Variants in PIP5K1C observed in about 807,000 individuals in gnomAD.
The protein encoded by PIP5K1C is phosphatidylinositol-4-phosphate 5-kinase type 1 gamma.
In PIP5K1C, 45 loss-of-function variants were observed where a neutral mutation model predicts 80.1. That is an observed-to-expected ratio of 0.56 (90% confidence interval 0.44 to 0.72). The LOEUF (loss-of-function observed/expected upper bound fraction) is 0.72. Ranked by LOEUF, PIP5K1C falls within the 30% of genes least tolerant of loss-of-function variation. The pLI is 0.00. For synonymous variants in PIP5K1C, 498 were observed against 420.1 expected (o/e 1.19, Z -2.27); for missense variants, 753 against 954.6 (o/e 0.79, Z 2.78).
At chr19:3,640,003 G>C (rs1294220181) in intron 15 of PIP5K1C, among the ~76,000 whole-genome samples, 1 of 152,244 alleles carries the variant, frequency 6.6e-6, no homozygotes, top group East Asian at 1.9e-4. Flanking sequence ...CACGGTGCAA[G>C]GTTTGGCAAT....
At chr19:3,684,166 A>G (rs2035680694) in intron 1 of PIP5K1C, among the ~76,000 whole-genome samples, 1 of 152,166 alleles carries the variant, frequency 6.6e-6, no homozygotes, top group Non-Finnish European at 1.5e-5. Flanking sequence ...AGACGGAACG[A>G]TAAGAAGAGC....
intron 9 of PIP5K1C, 27 bp from the exon 10 acceptor site, chr19:3,647,413 G>C (rs756459690): frequency 6.4e-7 from 1 of 1,565,136 alleles, no homozygotes; most frequent in South Asian, 1.2e-5. Context: ...CGGAGTGGCA[G>C]CTGACATCAG....
At chr19:3,643,198 C>A in intron 13 of PIP5K1C, 45 bp downstream of exon 13, 4 of 1,609,654 alleles carry the variant, frequency 2.5e-6, no homozygotes, top group Non-Finnish European at 3.4e-6. Flanking sequence ...CGCCCCCACG[C>A]ACAGCGGATG....
In PIP5K1C at chr19:3,696,726, GAGTGCGGA is replaced by G. The variant is rs2036115593; in HGVS notation, c.94+3563_94+3570del. 1.0e-5 allele frequency among the ~76,000 whole-genome samples: 1 copy of G among 97,644 alleles called. No individual in the cohort carries two copies. Among genetic ancestry groups the G allele is most frequent in the African/African-American group, 4.6e-5 (1 of 21,596 alleles). The allele number at this position is 97,644 out of a possible 152,430, so 64.1% of individuals were successfully genotyped here. ...TGCAGACGGGAGGGCAGGGAGGGCA[GAGTGCGGA>G]GGGGAGGGCAGGGAGGGCAGGGAGG... On this transcript the variant is annotated intron_variant, in intron 1 of 17. Coordinates refer to ENST00000335312, the MANE Select transcript of PIP5K1C (RefSeq NM_012398.3). The surrounding 1 kb of genome is among the most constrained non-coding windows in gnomAD (Gnocchi z 4.1).
At chr19:3,656,290 T>C in intron 6 of PIP5K1C, 115 bp downstream of exon 6, 1 of 1,211,204 alleles carries the variant, frequency 8.3e-7, no homozygotes, top group Non-Finnish European at 1.2e-6. Context: ...CCAAGATGCC[T>C]CTCACCACGC....
At chr19:3,657,312 T>C (rs2034665770) in intron 5 of PIP5K1C, among the ~76,000 whole-genome samples, 1 of 152,186 alleles carries the variant, frequency 6.6e-6, no homozygotes, top group East Asian at 1.9e-4. Context: ...AGGTGCTCGA[T>C]TTGCTAAGGA....
intron 2 of PIP5K1C, among the ~76,000 whole-genome samples, chr19:3,665,350 C>A (rs1324520169): frequency 1.3e-5 from 2 of 152,182 alleles, no homozygotes; most frequent in Non-Finnish European, 2.9e-5. Flanking sequence ...CCAGTTGTGG[C>A]AACCACAGAT....
chr19:3,658,930 C>T (rs2145475453), intron 5 of PIP5K1C, among the ~76,000 whole-genome samples: 1 of 152,284 alleles, frequency 6.6e-6, no homozygotes, highest in African/African-American at 2.4e-5. Flanking sequence ...TTCGTCGGTG[C>T]TGGGGCTCTC....
chr19:3,664,771 C>G, intron 3 of PIP5K1C, 51 bp downstream of exon 3: 2 of 1,416,108 alleles, frequency 1.4e-6, no homozygotes, highest in Non-Finnish European at 2.0e-6. Flanking sequence ...GGATCCCCCT[C>G]CCCTCTGCTC....
intron 3 of PIP5K1C, among the ~76,000 whole-genome samples, chr19:3,662,351 G>A (rs1291765555): frequency 1.3e-5 from 2 of 152,232 alleles, no homozygotes; most frequent in Non-Finnish European, 2.9e-5. Flanking sequence ...ACTGTCAAGA[G>A]TTTGTTTTTA....
chr19:3,638,471 C>T (rs891958154), intron 16 of PIP5K1C, among the ~76,000 whole-genome samples: 3 of 152,250 alleles, frequency 2.0e-5, no homozygotes, highest in Admixed American at 6.5e-5. Context: ...CCTGTCTGGA[C>T]GTCTAGGCTG....
chr19:3,651,910 A>C lies in PIP5K1C; in HGVS notation c.1043T>G (p.Val348Gly), dbSNP rs1199529819. 1 of 1,612,714 alleles carries C rather than the reference A, an allele frequency of 6.2e-7. No individual in the cohort carries two copies. The highest frequency in any genetic ancestry group is 1.3e-5 in the African/African-American group (1 of 74,940). ...CGTGGAGTAGAGCGCCTTCTGGCCCACAGGCCGCTTCTCATCTGAGGTGCT... is the reference window on the plus strand; with the variant it reads ...CGTGGAGTAGAGCGCCTTCTGGCCCCCAGGCCGCTTCTCATCTGAGGTGCT... ...AQSTSDEKRP[V>G]GQKALYSTAM... is the part of the protein sequence containing the mutation. The change falls in exon 8 of 18, where the codon GTG becomes GGG. Residue 348 changes from valine (V) to glycine (G), a missense_variant. Val to Gly is a moderately radical substitution (Grantham distance 109, BLOSUM62 -3). Coordinates refer to ENST00000335312, the MANE Select transcript of PIP5K1C (RefSeq NM_012398.3).
At chr19:3,691,903 C>CG (rs2035962167) in intron 1 of PIP5K1C, among the ~76,000 whole-genome samples, 2 of 152,164 alleles carry the variant, frequency 1.3e-5, no homozygotes, top group Admixed American at 1.3e-4. Flanking sequence ...TAGCAGCAGA[C>CG]GCCAAGCCAG....
rs1323474303 is a variant in PIP5K1C at position 3,688,822 on chromosome 19, C to T, written c.94+11475G>A. ...GGGGGAGGGGGACCCACACCCACGT[C>T]GCCATGGCCCCCCACCCCGTTTTTG... On this transcript the variant is annotated intron_variant, in intron 1 of 17. Transcript: ENST00000335312. The surrounding 1 kb of genome is among the most constrained non-coding windows in gnomAD (Gnocchi z 5.3). Among the ~76,000 whole-genome samples, 1 of 152,132 alleles carries T rather than the reference C, an allele frequency of 6.6e-6. No individual in the cohort carries two copies. Among genetic ancestry groups the T allele is most frequent in the Non-Finnish European group, 1.5e-5 (1 of 68,014 alleles).
At chr19:3,683,523 G>A (rs1423705715) in intron 1 of PIP5K1C, among the ~76,000 whole-genome samples, 2 of 152,214 alleles carry the variant, frequency 1.3e-5, no homozygotes, top group African/African-American at 2.4e-5. Flanking sequence ...GCTTAGTCAC[G>A]CAATTGTCCC....
chr19:3,638,100 C>T (rs1387720134), intron 16 of PIP5K1C: 3 of 1,407,938 alleles, frequency 2.1e-6, no homozygotes, highest in African/African-American at 1.5e-5. Context: ...GCCCTCCTTC[C>T]CAGGGGGTGC....
At chr19:3,650,427 TACG>T (rs1401881026) in intron 8 of PIP5K1C, among the ~76,000 whole-genome samples, 2 of 152,262 alleles carry the variant, frequency 1.3e-5, no homozygotes, top group African/African-American at 2.4e-5. Flanking sequence ...AGCACTGCTA[TACG>T]ACACCTGTCT....
chr19:3,656,162 C>T (rs1346421129), intron 6 of PIP5K1C, among the ~76,000 whole-genome samples: 1 of 152,218 alleles, frequency 6.6e-6, no homozygotes, highest in Non-Finnish European at 1.5e-5. Flanking sequence ...GGTGCCCACC[C>T]AGCCCTGCCC....
Position 3,637,952 on chromosome 19 carries a change from C to T in PIP5K1C, c.1920+932G>A, listed in dbSNP as rs1437294513. 2 of 1,534,270 alleles carry T rather than the reference C, an allele frequency of 1.3e-6. No homozygotes were observed. The highest frequency in any genetic ancestry group is 2.4e-5 in the South Asian group (2 of 83,968). ...GGTGGGTAGGGGCACAGGCACGCGG[C>T]CCGTCCCTCCCTTCTCCAGGGCCAG... On this transcript the variant is annotated intron_variant, in intron 16 of 17. Coordinates refer to ENST00000335312, the MANE Select transcript of PIP5K1C (RefSeq NM_012398.3). This position sits in a 1 kb window ranked among gnomAD's most constrained non-coding sequence, Gnocchi z 7.0.
Sources: gnomAD v4.1 joint callset for allele counts (sites outside exome capture counted in the v4.1 genomes callset) on GRCh38, gnomAD v4.1.1 for gene constraint, Gnocchi (gnomAD v3.1) non-coding constraint, MANE v1.5 for transcripts, NCBI Gene and HGNC (gene_info 2026-07-23, HGNC 2026-07-21) for gene names.